HKDC1: variants seen among roughly 807,000 people sequenced by gnomAD.
HKDC1 encodes hexokinase domain containing 1.
HKDC1 carries 66 observed loss-of-function variants against 96.6 expected under a neutral mutation model. The observed-to-expected ratio is 0.68, with a 90% CI of 0.56 to 0.84. The LOEUF (loss-of-function observed/expected upper bound fraction) is 0.84, where lower values mean the gene tolerates loss of function less well. HKDC1 is among the 40% of genes least tolerant of loss of function. The pLI, the probability that HKDC1 is intolerant of heterozygous loss-of-function variation, is 0.00. For missense variants in HKDC1, 1,211 were observed against 1,208.1 expected (o/e 1.00, Z -0.04); for synonymous variants, 466 against 473.1 (o/e 0.98, Z 0.20).
intron 12 of HKDC1, 119 bp downstream of exon 12, chr10:69,250,771 C>G: frequency 9.3e-7 from 1 of 1,071,522 alleles, no homozygotes; most frequent in Non-Finnish European, 1.4e-6. Flanking sequence ...TTCAGGGCAG[C>G]TGGGAACACA....
intron 1 of HKDC1, chr10:69,223,293 TCAAA>T (rs568649550): frequency 6.6e-6 from 1 of 152,320 alleles, no homozygotes; most frequent in Non-Finnish European, 1.5e-5. Context: ...ACTTTTAATC[TCAAA>T]CACTTTCATA....
chr10:69,232,654 C>T (rs1033711015), intron 2 of HKDC1, 110 bp from the exon 3 acceptor site: 1 of 999,772 alleles, frequency 1.0e-6, no homozygotes, highest in Non-Finnish European at 1.5e-6. Flanking sequence ...ATAATGATAC[C>T]TAGTGGCTGT....
chr10:69,224,268 T>A (rs1843114236), intron 1 of HKDC1, among the ~76,000 whole-genome samples: 1 of 151,948 alleles, frequency 6.6e-6, no homozygotes, highest in African/African-American at 2.4e-5. Context: ...GTTTTAGTTT[T>A]ATTTTTATTT....
At chr10:69,264,917 C>G (rs1476413454) in intron 16 of HKDC1, among the ~76,000 whole-genome samples, 1 of 152,146 alleles carries the variant, frequency 6.6e-6, no homozygotes, top group Non-Finnish European at 1.5e-5. Context: ...CCAGCCTGCC[C>G]CTATGATGGG....
chr10:69,248,389 G>T, intron 9 of HKDC1, 35 bp from the exon 10 acceptor site: 1 of 1,527,984 alleles, frequency 6.5e-7, no homozygotes. Context: ...TGGCCTTTAT[G>T]ATTGCTAAAT....
In HKDC1 at chr10:69,257,336, C is replaced by G. The variant is rs1310056094; in HGVS notation, c.1942C>G (p.Leu648Val). The change falls in exon 14 of 18, where the codon CTG becomes GTG. Residue 648 changes from leucine (L) to valine (V), a missense_variant. By Grantham distance (32) the Leu-to-Val change is conservative (BLOSUM62 1). Coordinates refer to ENST00000354624, the MANE Select transcript of HKDC1 (RefSeq NM_025130.4). ...TTGTTTTTGTTTTTAGGAGTTTGACCTGGACATTGTTGCAGTCGTGAATGA... is the reference window on the plus strand; with the variant it reads ...TTGTTTTTGTTTTTAGGAGTTTGACGTGGACATTGTTGCAGTCGTGAATGA... ...EAIKRRNEFD[L>V]DIVAVVNDTV... 6 of 1,613,428 alleles carry G rather than the reference C, an allele frequency of 3.7e-6. No individual in the cohort carries two copies. The highest frequency in any genetic ancestry group is 5.1e-6 in the Non-Finnish European group (6 of 1,179,390).
chr10:69,236,674 G>A (rs935537093), intron 4 of HKDC1, among the ~76,000 whole-genome samples: 1 of 151,820 alleles, frequency 6.6e-6, no homozygotes, highest in African/African-American at 2.4e-5. Context: ...CAGCTACTCG[G>A]GAGGCTGAGG....
intron 6 of HKDC1, among the ~76,000 whole-genome samples, chr10:69,242,259 GTGGC>G (rs1843465737): frequency 6.6e-6 from 1 of 150,438 alleles, no homozygotes; most frequent in South Asian, 2.1e-4. Context: ...GCCTGTCACT[GTGGC>G]TGCGTCTGGT....
Position 69,247,363 on chromosome 10 carries a change from T to A in HKDC1, c.1035T>A (p.Tyr345Ter). Reference protein sequence around the residue: ...ETRHVAAMEKYKEGLANTREI... With the variant: ...ETRHVAAMEK ...CTCATTCCTGTCCCCTGGCCAGGTA[T>A]AAAGAAGGCCTTGCTAATACAAGAG... The change falls in exon 9 of 18, where the codon TAT becomes TAA. Residue 345 changes from tyrosine (Y) to a stop codon, truncating the protein, a stop_gained. Coordinates refer to ENST00000354624, the MANE Select transcript of HKDC1 (RefSeq NM_025130.4). LOFTEE classifies it high-confidence loss of function. The A allele has an allele frequency of 6.2e-7, 1 of 1,612,594 alleles. No homozygotes were observed. Among genetic ancestry groups the A allele is most frequent in the Non-Finnish European group, 8.5e-7 (1 of 1,178,654 alleles).
Position 69,266,833 on chromosome 10 carries a change from C to A in HKDC1, c.*76C>A. On this transcript the variant is annotated 3_prime_UTR_variant, in exon 18 of 18. Transcript: ENST00000354624. ...TCTGGCAGATCAGTTGGTCAGAGAC[C>A]AATGGGCACCCTCCTGGCTGACCTC... 2.1e-6 allele frequency: 3 copies of A among 1,452,710 alleles called. No homozygotes were observed. The highest frequency in any genetic ancestry group is 1.9e-6 in the Non-Finnish European group (2 of 1,071,086). 90.0% of individuals were successfully genotyped at this position (1,452,710 alleles called of 1,614,324 possible).
chr10:69,258,754 GT>G, intron 14 of HKDC1, 21 bp from the exon 15 acceptor site: 1 of 1,613,330 alleles, frequency 6.2e-7, no homozygotes, highest in Non-Finnish European at 8.5e-7. Flanking sequence ...GAAGACTAAG[GT>G]TCCTTCACAA....
chr10:69,233,884 C>A, intron 4 of HKDC1, among the ~76,000 whole-genome samples: 1 of 51,454 alleles, frequency 1.9e-5, no homozygotes, highest in Admixed American at 2.8e-4. Context: ...GGTGACAGAG[C>A]AAGACTCCGT....
intron 1 of HKDC1, among the ~76,000 whole-genome samples, chr10:69,223,578 A>ATTTTTT (rs60016100): frequency 2.2e-4 from 19 of 85,600 alleles, no homozygotes; most frequent in East Asian, 6.9e-4. Flanking sequence ...CCACAATCTA[A>ATTTTTT]TTTTTTTTTT....
chr10:69,229,869 A>G lies in HKDC1; in HGVS notation c.226+2500A>G, dbSNP rs144624115. 5.9e-5 allele frequency among the ~76,000 whole-genome samples: 9 copies of G among 152,248 alleles called. No homozygotes were observed. In the East Asian group the frequency reaches 1.4e-3, roughly 23 times the overall value. On this transcript the variant is annotated intron_variant, in intron 2 of 17. Transcript: ENST00000354624. ...TTCTTGGTAAATCCCGGCACCATACATGATTGTCAGGATTTAATGAGATCA... is the reference window on the plus strand; with the variant it reads ...TTCTTGGTAAATCCCGGCACCATACGTGATTGTCAGGATTTAATGAGATCA...
intron 5 of HKDC1, 106 bp from the exon 6 acceptor site, chr10:69,240,546 G>T (rs111847945): frequency 3.6e-6 from 3 of 839,424 alleles, no homozygotes; most frequent in African/African-American, 3.3e-5. Flanking sequence ...GCAGGATCTA[G>T]GGATGTCTCA....
In HKDC1 at chr10:69,243,187, G is replaced by T; in HGVS notation, c.697G>T (p.Gly233Cys). The T allele has an allele frequency of 6.2e-7, 1 of 1,614,196 alleles. No homozygotes were observed. Among genetic ancestry groups the T allele is most frequent in the Non-Finnish European group, 8.5e-7 (1 of 1,180,008 alleles). Residue 233 changes from glycine to cysteine, a missense_variant, in exon 7 of 18, where the codon GGC (glycine) becomes TGC (cysteine). Transcript: ENST00000354624. The stretch of plus-strand genomic sequence containing the variant: ...CTCTCTGATCCCTGGTTCAGGAACT[G>T]GCACCAATGCGTGTTACATGGAGGA... Reference protein sequence around the residue: ...YCEVGVIIGTGTNACYMEDMS... With the variant: ...YCEVGVIIGTCTNACYMEDMS...
Position 69,250,618 on chromosome 10 carries a change from T to A in HKDC1, c.1802T>A (p.Phe601Tyr). The A allele has an allele frequency of 1.2e-6, 2 of 1,613,962 alleles. No individual in the cohort carries two copies. Among genetic ancestry groups the A allele is most frequent in the East Asian group, 4.5e-5 (2 of 44,882 alleles). ...GCCTCCCTACCTTTGGGCTTCACATTCTCATTTCCCTGCAGGCAGATGAGC... is the reference window on the plus strand; with the variant it reads ...GCCTCCCTACCTTTGGGCTTCACATACTCATTTCCCTGCAGGCAGATGAGC... ...KGASLPLGFT[F>Y]SFPCRQMSID... The change falls in exon 12 of 18, where the codon TTC (phenylalanine) becomes TAC (tyrosine). Residue 601 changes from phenylalanine (F) to tyrosine (Y), a missense_variant. Coordinates refer to ENST00000354624, the MANE Select transcript of HKDC1 (RefSeq NM_025130.4).
At chr10:69,243,101 A>C in intron 6 of HKDC1, 81 bp from the exon 7 acceptor site, 1 of 1,383,306 alleles carries the variant, frequency 7.2e-7, no homozygotes, top group East Asian at 2.3e-5. Context: ...ATTGAGGAGG[A>C]CTCCCCAGCA....
At chr10:69,241,830 T>C (rs532081280) in intron 6 of HKDC1, among the ~76,000 whole-genome samples, 2 of 152,228 alleles carry the variant, frequency 1.3e-5, no homozygotes, top group South Asian at 4.1e-4. Context: ...GTGTGGATAA[T>C]AGATTACTGG....
Sources: allele counts gnomAD v4.1 joint callset (sites outside exome capture counted in the v4.1 genomes callset), GRCh38; gene constraint gnomAD v4.1.1; transcripts MANE v1.5; gene names NCBI Gene and HGNC (gene_info 2026-07-23, HGNC 2026-07-21).